The following SESN3 variants were observed in gnomAD, a reference collection of about 807,000 sequenced individuals.
The protein encoded by SESN3 is sestrin 3.
SESN3 carries 21 observed loss-of-function variants against 55.3 expected under a neutral mutation model. The observed-to-expected ratio is 0.38, with a 90% confidence interval of 0.27 to 0.55. The LOEUF (loss-of-function observed/expected upper bound fraction) is 0.55, where lower values mean the gene tolerates loss of function less well. Among genes scored for constraint, SESN3 ranks in the 20% least tolerant of loss-of-function variants. SESN3 has a pLI of 0.76. For missense variants in SESN3, 408 were observed against 604.3 expected (o/e 0.68, Z 3.41); for synonymous variants, 181 against 203.1 (o/e 0.89, Z 0.93).
In SESN3 at chr11:95,170,730, G is replaced by A. The variant is rs1013172280; in HGVS notation, c.*2525C>T. 1 of 152,188 alleles carries A rather than the reference G, an allele frequency of 6.6e-6. No individual in the cohort carries two copies. The highest frequency in any genetic ancestry group is 6.5e-5 in the Admixed American group (1 of 15,270). 9.4% of individuals were successfully genotyped at this position (152,188 alleles called of 1,614,324 possible). On this transcript the variant is annotated 3_prime_UTR_variant, in exon 10 of 10. Coordinates refer to ENST00000536441, the MANE Select transcript of SESN3 (RefSeq NM_144665.4). ...CTGTGCATGCTGCGTATTAGTAGGT[G>A]CTTTAGCACCTGCAGAAGTCAATTT... is the stretch of plus-strand genomic sequence containing the variant.
intron 1 of SESN3, among the ~76,000 whole-genome samples, chr11:95,226,878 C>T (rs551482792): frequency 1.3e-5 from 2 of 152,154 alleles, no homozygotes; most frequent in Non-Finnish European, 1.5e-5. Context: ...GCAACTCAAG[C>T]ATTTTAAAAC....
intron 6 of SESN3, 44 bp downstream of exon 6, chr11:95,184,376 G>C: frequency 1.9e-6 from 3 of 1,555,134 alleles, no homozygotes; most frequent in Non-Finnish European, 2.7e-6. Context: ...TGCCCTGTCA[G>C]GGTTCTAAGA....
intron 8 of SESN3, 152 bp downstream of exon 8, chr11:95,177,567 C>T: frequency 1.8e-6 from 1 of 556,798 alleles, no homozygotes; most frequent in Non-Finnish European, 3.1e-6. Flanking sequence ...AAGAAAAATG[C>T]TTCTCCATAA....
chr11:95,184,042 C>T (rs1387636879), intron 6 of SESN3: 1 of 247,302 alleles, frequency 4.0e-6, no homozygotes, highest in African/African-American at 2.2e-5. Flanking sequence ...CACCCCCCAC[C>T]TACAAAAAAG....
At chr11:95,212,846 A>G (rs961718472) in intron 1 of SESN3, among the ~76,000 whole-genome samples, 2 of 152,158 alleles carry the variant, frequency 1.3e-5, no homozygotes, top group African/African-American at 4.8e-5. Context: ...TACTTTGGAT[A>G]TCTATTAAAC....
rs1555124834 is a variant in SESN3 at position 95,231,154 on chromosome 11, A to AGCCGCCACCGCTGCCACC, written c.-312_-295dup. The stretch of plus-strand genomic sequence containing the variant: ...CCGCCCCCGCCAGGCTAGGACGAGC[A>AGCCGCCACCGCTGCCACC]GCCGCCACCGCTGCCACCGCCACCA... On this transcript the variant is annotated 5_prime_UTR_variant, in exon 1 of 10. Coordinates refer to ENST00000536441, the MANE Select transcript of SESN3 (RefSeq NM_144665.4). The AGCCGCCACCGCTGCCACC allele has an allele frequency of 2.8e-4, 80 of 282,536 alleles. No homozygotes were observed. Among genetic ancestry groups the AGCCGCCACCGCTGCCACC allele is most frequent in the African/African-American group, 1.6e-3 (62 of 37,716 alleles). The allele number at this position is 282,536 out of a possible 1,614,324, so 17.5% of individuals were successfully genotyped here. A position where few individuals can be genotyped will look rare whatever the true frequency, so the allele number is the denominator to read the frequency against.
chr11:95,184,610 A>G lies in SESN3; in HGVS notation c.763-16T>C. The stretch of plus-strand genomic sequence containing the variant: ...AATCCACAATCTGGAAACAGATAAG[A>G]TAATGTTGGGTGCTATTCATACTAA... On this transcript the variant is annotated splice_polypyrimidine_tract_variant and intron_variant, in intron 5 of 9. Transcript: ENST00000536441. 6.2e-7 allele frequency: 1 copy of G among 1,608,484 alleles called. No homozygotes were observed. Among genetic ancestry groups the G allele is most frequent in the African/African-American group, 1.3e-5 (1 of 74,686 alleles).
At chr11:95,180,332 T>A (rs1038938138) in intron 6 of SESN3, among the ~76,000 whole-genome samples, 1 of 152,216 alleles carries the variant, frequency 6.6e-6, no homozygotes, top group African/African-American at 2.4e-5. Flanking sequence ...TTATCTTTAA[T>A]CTTTGCTATT....
chr11:95,192,029 T>G (rs1455844615), intron 2 of SESN3, among the ~76,000 whole-genome samples: 2 of 152,064 alleles, frequency 1.3e-5, no homozygotes, highest in African/African-American at 2.4e-5. Context: ...GACTAATATT[T>G]TCAGTCTAAT....
intron 1 of SESN3, among the ~76,000 whole-genome samples, chr11:95,215,847 C>T (rs1441711098): frequency 2.6e-5 from 4 of 152,056 alleles, no homozygotes; most frequent in African/African-American, 9.7e-5. Flanking sequence ...GCCTGTAGTC[C>T]CAGCACTTTG....
intron 1 of SESN3, among the ~76,000 whole-genome samples, chr11:95,198,805 T>G (rs985671995): frequency 2.0e-5 from 3 of 152,202 alleles, no homozygotes; most frequent in African/African-American, 7.2e-5. Context: ...TCTAGGCTAT[T>G]TCTACCATTG....
In SESN3 at chr11:95,177,855, T is replaced by G; in HGVS notation, c.1111A>C (p.Ile371Leu). 3 of 1,606,338 alleles carry G rather than the reference T, an allele frequency of 1.9e-6. No homozygotes were observed. The South Asian group carries it at 3.4e-5, about 18-fold the overall frequency. The change falls in exon 8 of 10, where the codon ATT (isoleucine) becomes CTT (leucine). Residue 371 changes from isoleucine (I) to leucine (L), a missense_variant. This residue lies in a region of SESN3 where 121 missense variants were observed against 204.9 expected (regional missense o/e 0.59). Coordinates refer to ENST00000536441, the MANE Select transcript of SESN3 (RefSeq NM_144665.4). ...AACTTTTCATCAAGAAGATGTCCAA[T>G]GTCAGAATAAAGTCTGTTCACCAGG... ...FSLVNRLYSD[I>L]GHLLDEKFRM...
In SESN3 at chr11:95,230,741, G is replaced by A; in HGVS notation, c.78+42C>T. On this transcript the variant is annotated intron_variant, in intron 1 of 9. Coordinates refer to ENST00000536441, the MANE Select transcript of SESN3 (RefSeq NM_144665.4). The surrounding 1 kb of genome is among the most constrained non-coding windows in gnomAD (Gnocchi z 4.6). The stretch of plus-strand genomic sequence containing the variant: ...CGAGCCGCCCGAGCCCCGGCCGGCA[G>A]GAAGCGACCCTCGCCGGCAGGACCC... The A allele has an allele frequency of 6.5e-7, 1 of 1,527,604 alleles. No homozygotes were observed. Among genetic ancestry groups the A allele is most frequent in the Non-Finnish European group, 9.0e-7 (1 of 1,112,368 alleles). The allele number at this position is 1,527,604 out of a possible 1,614,324, so 94.6% of individuals were successfully genotyped here.
At chr11:95,180,691 TTAAGTA>T (rs1860043764) in intron 6 of SESN3, among the ~76,000 whole-genome samples, 1 of 151,526 alleles carries the variant, frequency 6.6e-6, no homozygotes, top group Non-Finnish European at 1.5e-5. Flanking sequence ...GTGTAGATGT[TTAAGTA>T]TAAGATGATG....
intron 1 of SESN3, among the ~76,000 whole-genome samples, chr11:95,201,698 A>G (rs1397345463): frequency 1.3e-5 from 2 of 152,118 alleles, no homozygotes; most frequent in Non-Finnish European, 2.9e-5. Flanking sequence ...TCTTTAAGCT[A>G]CACCATTAGC....
At chr11:95,225,978 G>A (rs1285782612) in intron 1 of SESN3, among the ~76,000 whole-genome samples, 1 of 151,484 alleles carries the variant, frequency 6.6e-6, no homozygotes, top group Non-Finnish European at 1.5e-5. Flanking sequence ...CTATTTAAGT[G>A]CAGGGGTGGG....
In SESN3 at chr11:95,191,519, G is replaced by A. The variant is rs1199100794; in HGVS notation, c.227C>T (p.Thr76Ile). 6.2e-7 allele frequency: 1 copy of A among 1,612,900 alleles called. No individual in the cohort carries two copies. Residue 76 changes from threonine to isoleucine, a missense_variant, in exon 3 of 10, where the codon ACA (threonine) becomes ATA (isoleucine). By Grantham distance (89) the Thr-to-Ile change is moderately conservative. Around this residue, in one of 4 missense-constraint regions of SESN3, gnomAD observed 107 missense variants for 211.3 expected, o/e 0.51. Transcript: ENST00000536441. ...CTGAGTGTGTAAACTCATGACCTGT[G>A]TGATGTTGTCCAGACGACCGGATGT... is the stretch of plus-strand genomic sequence containing the variant. Reference protein sequence around the residue: ...YSTSGRLDNITQVMSLHTQYL... With the variant: ...YSTSGRLDNIIQVMSLHTQYL...
rs1030825036 is a variant in SESN3 at position 95,230,699 on chromosome 11, C to T, written c.78+84G>A. Reference sequence around the variant, plus strand: ...CCCGGGGATCCCTCTCAGCCTCCCCCAGTGCGCGCCCGGGGACGAGCCGCC... The same window carrying T: ...CCCGGGGATCCCTCTCAGCCTCCCCTAGTGCGCGCCCGGGGACGAGCCGCC... On this transcript the variant is annotated intron_variant, in intron 1 of 9. Transcript: ENST00000536441. This position sits in a 1 kb window ranked among gnomAD's most constrained non-coding sequence, Gnocchi z 4.6. 9 of 974,916 alleles carry T rather than the reference C, an allele frequency of 9.2e-6. No individual in the cohort carries two copies. Among genetic ancestry groups the T allele is most frequent in the Non-Finnish European group, 1.4e-5 (9 of 637,338 alleles). The allele number at this position is 974,916 out of a possible 1,614,324, so 60.4% of individuals were successfully genotyped here. A position where few individuals can be genotyped will look rare whatever the true frequency, so the allele number is the denominator to read the frequency against.
chr11:95,184,335 T>C, intron 6 of SESN3, 85 bp downstream of exon 6: 1 of 1,105,564 alleles, frequency 9.0e-7, no homozygotes, highest in Non-Finnish European at 1.4e-6. Flanking sequence ...GCAGAATCAT[T>C]TTTACATATC....
Sources: gnomAD v4.1 joint callset for allele counts (sites outside exome capture counted in the v4.1 genomes callset) on GRCh38, gnomAD v4.1.1 for gene constraint, gnomAD v4.1.1 regional missense constraint, Gnocchi (gnomAD v3.1) non-coding constraint, MANE v1.5 for transcripts, NCBI Gene and HGNC (gene_info 2026-07-23, HGNC 2026-07-21) for gene names.